ADAMTSL3: variants seen among roughly 807,000 people sequenced by gnomAD.
ADAMTSL3 encodes ADAMTS-like protein 3.
ADAMTSL3 carries 128 observed loss-of-function variants against 201.7 expected under a neutral mutation model. That is an observed-to-expected ratio of 0.63 (90% CI 0.55 to 0.73). The LOEUF is 0.73. Among genes scored for constraint, ADAMTSL3 ranks in the 30% least tolerant of loss-of-function variants. ADAMTSL3 has a pLI of 0.00. For synonymous variants in ADAMTSL3, 738 were observed against 748.4 expected (o/e 0.99, Z 0.23); for missense variants, 1,990 against 2,119.6 (o/e 0.94, Z 1.20).
At chr15:83,686,970 T>A (rs12595657) in intron 2 of ADAMTSL3, among the ~76,000 whole-genome samples, 15,304 of 152,136 alleles carry the variant, frequency 0.1, 995 homozygotes, top group East Asian at 0.35. Flanking sequence ...GTAGGAGGAC[T>A]ACTTGAGTTG....
chr15:83,760,655 A>G (rs2062794999), intron 3 of ADAMTSL3, among the ~76,000 whole-genome samples: 1 of 151,768 alleles, frequency 6.6e-6, no homozygotes, highest in South Asian at 2.1e-4. Flanking sequence ...TGCTTTATAT[A>G]TTTTGTGGTT....
At chr15:83,967,463 A>C (rs2067110849) in intron 19 of ADAMTSL3, among the ~76,000 whole-genome samples, 1 of 152,228 alleles carries the variant, frequency 6.6e-6, no homozygotes. Flanking sequence ...CTAGGAATAC[A>C]GCTTACAAGG....
At chr15:83,786,919 T>C (rs776024297) in intron 4 of ADAMTSL3, among the ~76,000 whole-genome samples, 11 of 152,212 alleles carry the variant, frequency 7.2e-5, no homozygotes, top group Non-Finnish European at 1.6e-4. Context: ...GAAGGGATAA[T>C]GACTTCATCA....
intron 2 of ADAMTSL3, among the ~76,000 whole-genome samples, chr15:83,688,753 T>TACACACAC (rs371646287): frequency 5.0e-4 from 74 of 147,650 alleles, no homozygotes; most frequent in East Asian, 2.9e-3. Flanking sequence ...CATGCATATA[T>TACACACAC]ATACACACAC....
At chr15:83,969,620 C>G (rs1019226782) in intron 19 of ADAMTSL3, among the ~76,000 whole-genome samples, 1 of 152,140 alleles carries the variant, frequency 6.6e-6, no homozygotes, top group African/African-American at 2.4e-5. Context: ...GTGAAATAAG[C>G]CAGTTAGGGA....
rs1427651948 is a variant in ADAMTSL3 at position 84,036,920 on chromosome 15, C to T, written c.4902C>T (p.Ala1634=). ...CIHTRSCKPV[A]KRHCVQKKKP... is the part of the protein sequence containing the mutation. ...ACACAAGGAGTTGCAAACCTGTGGCCAAGAGACACTGTGTACAGAAAAAGA... is the reference window on the plus strand; with the variant it reads ...ACACAAGGAGTTGCAAACCTGTGGCTAAGAGACACTGTGTACAGAAAAAGA... The change falls in exon 29 of 30, where the codon GCC becomes GCT. Residue 1634 remains alanine, a synonymous_variant. Coordinates refer to ENST00000286744, the MANE Select transcript of ADAMTSL3 (RefSeq NM_207517.3). 1 of 1,613,978 alleles carries T rather than the reference C, an allele frequency of 6.2e-7. No homozygotes were observed. The highest frequency in any genetic ancestry group is 2.2e-5 in the East Asian group (1 of 44,886).
chr15:83,914,472 T>C (rs2065992871), intron 16 of ADAMTSL3, among the ~76,000 whole-genome samples: 1 of 152,226 alleles, frequency 6.6e-6, no homozygotes, highest in African/African-American at 2.4e-5. Context: ...CTTGCCACTT[T>C]TTGTATAACA....
At chr15:83,889,536 C>G (rs1007580858) in intron 10 of ADAMTSL3, among the ~76,000 whole-genome samples, 1 of 152,148 alleles carries the variant, frequency 6.6e-6, no homozygotes, top group Non-Finnish European at 1.5e-5. Context: ...AACAACCTTA[C>G]GTAAGACGGT....
At chr15:83,904,400 G>T (rs1213011066) in intron 15 of ADAMTSL3, among the ~76,000 whole-genome samples, 1 of 152,034 alleles carries the variant, frequency 6.6e-6, no homozygotes, top group Non-Finnish European at 1.5e-5. Flanking sequence ...TGTGGTTTGG[G>T]GATGCTTGCT....
At chr15:84,034,338 TAGAG>T (rs1405828688) in intron 28 of ADAMTSL3, among the ~76,000 whole-genome samples, 2 of 152,072 alleles carry the variant, frequency 1.3e-5, no homozygotes, top group East Asian at 3.9e-4. Context: ...CAGGAAATGT[TAGAG>T]AGTGTTGTAG....
intron 9 of ADAMTSL3, among the ~76,000 whole-genome samples, chr15:83,876,001 C>T (rs1032295336): frequency 6.6e-6 from 1 of 151,460 alleles, no homozygotes; most frequent in African/African-American, 2.4e-5. Context: ...CTTTTCTTTT[C>T]TTATTTTTCT....
At position 83,957,992 on chromosome 15, in the gene ADAMTSL3, G is replaced by A. The variant is rs114540550; in HGVS notation, c.2491-12492G>A. On this transcript the variant is annotated intron_variant, in intron 19 of 29. Coordinates refer to ENST00000286744, the MANE Select transcript of ADAMTSL3 (RefSeq NM_207517.3). ...CCCTCATTAAAAAACAAAAAGCAGA[G>A]CAATTAGGAATGCAGAAGGAAAGGA... Among the ~76,000 whole-genome samples the A allele has an allele frequency of 5.6e-3, 858 of 152,218 alleles. 11 individuals carry two copies. The highest frequency in any genetic ancestry group is 0.02 in the African/African-American group (827 of 41,524).
intron 2 of ADAMTSL3, among the ~76,000 whole-genome samples, chr15:83,672,116 C>T (rs1178671505): frequency 6.6e-6 from 1 of 152,100 alleles, no homozygotes; most frequent in Non-Finnish European, 1.5e-5. Context: ...GCATTTTAAA[C>T]CCTGTCACCC....
chr15:83,737,704 A>G (rs1596115213), intron 3 of ADAMTSL3, among the ~76,000 whole-genome samples: 1 of 152,220 alleles, frequency 6.6e-6, no homozygotes, highest in African/African-American at 2.4e-5. Context: ...GGAGAAATAC[A>G]CAAATCTTCA....
At chr15:84,014,446 G>A in intron 23 of ADAMTSL3, 96 bp from the exon 24 acceptor site, 1 of 1,164,772 alleles carries the variant, frequency 8.6e-7, no homozygotes, top group African/African-American at 1.5e-5. Flanking sequence ...CCCATATGCT[G>A]ACTTACGGTC....
intron 2 of ADAMTSL3, among the ~76,000 whole-genome samples, chr15:83,663,810 A>G (rs757438348): frequency 2.0e-5 from 3 of 152,244 alleles, no homozygotes; most frequent in Non-Finnish European, 2.9e-5. Context: ...TCTGCAATAC[A>G]GAGTTATTGG....
At chr15:83,843,057 G>C (rs777065692) in intron 7 of ADAMTSL3, among the ~76,000 whole-genome samples, 29 of 152,086 alleles carry the variant, frequency 1.9e-4, no homozygotes, top group Non-Finnish European at 5.9e-5. Context: ...CTCTCTCTCT[G>C]TCTCTTGATT....
intron 23 of ADAMTSL3, among the ~76,000 whole-genome samples, chr15:83,995,919 A>T (rs577762363): frequency 9.9e-4 from 151 of 152,342 alleles, no homozygotes; most frequent in Non-Finnish European, 1.8e-3. Context: ...AGAGGGATAG[A>T]CAAATAAATG....
chr15:83,869,166 C>T (rs1419550182), intron 8 of ADAMTSL3, among the ~76,000 whole-genome samples: 2 of 152,132 alleles, frequency 1.3e-5, no homozygotes, highest in Non-Finnish European at 2.9e-5. Context: ...GTGTTATGTT[C>T]CACTGAACTT....
Sources: allele counts gnomAD v4.1 joint callset (sites outside exome capture counted in the v4.1 genomes callset), GRCh38; gene constraint gnomAD v4.1.1; transcripts MANE v1.5; gene names NCBI Gene and HGNC (gene_info 2026-07-23, HGNC 2026-07-21).